The following DHRS3 variants were observed in gnomAD, a reference collection of about 807,000 sequenced individuals.
The protein encoded by DHRS3 is short-chain dehydrogenase/reductase 3.
DHRS3 carries 14 observed loss-of-function variants against 27.2 expected under a neutral mutation model. That is an observed-to-expected ratio of 0.52 (90% CI 0.34 to 0.81). DHRS3 has a LOEUF of 0.81. DHRS3 is among the 30% of genes least tolerant of loss of function. DHRS3 has a pLI of 0.01. For missense variants in DHRS3, 322 were observed against 406.2 expected, an observed-to-expected ratio of 0.79 and a Z score of 1.78; for synonymous variants, 165 against 175.9, an observed-to-expected ratio of 0.94 and a Z score of 0.49.
chr1:12,569,172 G>A (rs1001007825), intron 5 of DHRS3, among the ~76,000 whole-genome samples: 16 of 148,802 alleles, frequency 1.1e-4, no homozygotes, highest in African/African-American at 3.5e-4. Context: ...GGCCGAGATC[G>A]CGCCGTTGCA....
chr1:12,610,871 G>A (rs761034812), intron 1 of DHRS3, among the ~76,000 whole-genome samples: 4 of 152,300 alleles, frequency 2.6e-5, no homozygotes, highest in South Asian at 2.1e-4. Context: ...TTCTGGGTGT[G>A]TTCATGCTTT....
chr1:12,568,270 G>T lies in DHRS3; in HGVS notation c.*70C>A. The T allele has an allele frequency of 7.2e-7, 1 of 1,394,220 alleles. No individual in the cohort carries two copies. Among genetic ancestry groups the T allele is most frequent in the Non-Finnish European group, 1.0e-6 (1 of 982,754 alleles). The allele number at this position is 1,394,220 out of a possible 1,614,324, so 86.4% of individuals were successfully genotyped here. On this transcript the variant is annotated 3_prime_UTR_variant, in exon 6 of 6. Coordinates refer to ENST00000616661, the MANE Select transcript of DHRS3 (RefSeq NM_004753.7). ...AGCAGAAGCATGCCAATGGACAGGTGCTCGGGTGTGTGCCCAGGTGCTGTG... is the reference window on the plus strand; with the variant it reads ...AGCAGAAGCATGCCAATGGACAGGTTCTCGGGTGTGTGCCCAGGTGCTGTG...
chr1:12,569,297 G>A (rs1646514810), intron 5 of DHRS3, among the ~76,000 whole-genome samples: 1 of 96,106 alleles, frequency 1.0e-5, no homozygotes, highest in Non-Finnish European at 2.1e-5. Flanking sequence ...AAGGCAGAGA[G>A]TGAGTGAGTG....
At chr1:12,606,183 AT>A (rs1646870116) in intron 1 of DHRS3, among the ~76,000 whole-genome samples, 1 of 151,644 alleles carries the variant, frequency 6.6e-6, no homozygotes, top group Non-Finnish European at 1.5e-5. Context: ...TAATAAATGG[AT>A]AACTTGTTAA....
rs555081500 is a variant in DHRS3 at position 12,578,043 on chromosome 1, C to G, written c.698+675G>C. Among the ~76,000 whole-genome samples the G allele has an allele frequency of 1.3e-5, 2 of 152,314 alleles. No individual in the cohort carries two copies. Among genetic ancestry groups the G allele is most frequent in the South Asian group, 4.1e-4 (2 of 4,824 alleles). ...AGCCACGGGTCTGATTTCCATCACC[C>G]TAACCCAGTTTTGCCTGTTTTGGAA... On this transcript the variant is annotated intron_variant, in intron 4 of 5. Coordinates refer to ENST00000616661, the MANE Select transcript of DHRS3 (RefSeq NM_004753.7). This position sits in a 1 kb window ranked among gnomAD's most constrained non-coding sequence, Gnocchi z 4.5.
intron 1 of DHRS3, among the ~76,000 whole-genome samples, chr1:12,589,548 C>T (rs994554121): frequency 1.3e-5 from 2 of 151,906 alleles, no homozygotes; most frequent in African/African-American, 4.8e-5. Flanking sequence ...ACCACCACAC[C>T]CAGCTAATTT....
chr1:12,605,846 G>A (rs1646866961), intron 1 of DHRS3, among the ~76,000 whole-genome samples: 1 of 152,090 alleles, frequency 6.6e-6, no homozygotes, highest in African/African-American at 2.4e-5. Context: ...ATGCCCTAAA[G>A]AAATCAGCAG....
intron 1 of DHRS3, among the ~76,000 whole-genome samples, chr1:12,604,760 C>A (rs1646858547): frequency 6.6e-6 from 1 of 152,212 alleles, no homozygotes; most frequent in Non-Finnish European, 1.5e-5. Flanking sequence ...CTCAGAAATG[C>A]GTGCTGCTGG....
intron 5 of DHRS3, among the ~76,000 whole-genome samples, chr1:12,572,364 G>T (rs891979114): frequency 6.6e-6 from 1 of 152,130 alleles, no homozygotes. Flanking sequence ...TAGAGACAAG[G>T]TTTCGCCATT....
chr1:12,596,529 G>A (rs1215110998), intron 1 of DHRS3, among the ~76,000 whole-genome samples: 1 of 152,174 alleles, frequency 6.6e-6, no homozygotes. Flanking sequence ...CCGAAGCAGG[G>A]GGCCTGTTTA....
intron 1 of DHRS3, among the ~76,000 whole-genome samples, chr1:12,602,820 T>C (rs1646844571): frequency 6.6e-6 from 1 of 152,254 alleles, no homozygotes; most frequent in East Asian, 1.9e-4. Flanking sequence ...AGGCACTGGT[T>C]TCCAGCAGCC....
At chr1:12,583,142 C>T (rs1355915938) in intron 1 of DHRS3, among the ~76,000 whole-genome samples, 1 of 149,398 alleles carries the variant, frequency 6.7e-6, no homozygotes, top group African/African-American at 2.5e-5. Flanking sequence ...CTACCCTACT[C>T]CATCCATCCA....
At chr1:12,610,777 T>A (rs1189360142) in intron 1 of DHRS3, among the ~76,000 whole-genome samples, 1 of 152,234 alleles carries the variant, frequency 6.6e-6, no homozygotes, top group East Asian at 1.9e-4. Context: ...CTGAATAATA[T>A]GTTTGAAATG....
chr1:12,572,670 C>T, intron 5 of DHRS3, 58 bp downstream of exon 5: 1 of 1,550,194 alleles, frequency 6.5e-7, no homozygotes, highest in African/African-American at 1.4e-5. Context: ...GCAGACATGA[C>T]TAATAGATCA....
intron 1 of DHRS3, among the ~76,000 whole-genome samples, chr1:12,589,804 C>T (rs1255687254): frequency 6.6e-6 from 1 of 152,064 alleles, no homozygotes; most frequent in Non-Finnish European, 1.5e-5. Flanking sequence ...GGCAACATAG[C>T]AAGACTCTGT....
chr1:12,585,189 CTGTG>C (rs1227793617), intron 1 of DHRS3, among the ~76,000 whole-genome samples: 2 of 144,478 alleles, frequency 1.4e-5, no homozygotes, highest in Admixed American at 7.0e-5. Context: ...GTGTATGTTT[CTGTG>C]TGTGTGTGTG....
At chr1:12,602,836 C>T (rs192282313) in intron 1 of DHRS3, among the ~76,000 whole-genome samples, 52 of 152,392 alleles carry the variant, frequency 3.4e-4, no homozygotes, top group East Asian at 2.9e-3. Flanking sequence ...CAGCCCTGGC[C>T]GGCACCACAA....
At chr1:12,584,878 AGTGT>A (rs35962425) in intron 1 of DHRS3, among the ~76,000 whole-genome samples, 3 of 151,168 alleles carry the variant, frequency 2.0e-5, no homozygotes, top group African/African-American at 4.9e-5. Flanking sequence ...TGTCTCTGTA[AGTGT>A]GTGTGTGTGT....
Position 12,592,613 on chromosome 1 carries a change from A to G in DHRS3, c.196-11947T>C, listed in dbSNP as rs1646755695. 6.6e-6 allele frequency among the ~76,000 whole-genome samples: 1 copy of G among 152,052 alleles called. No individual in the cohort carries two copies. The highest frequency in any genetic ancestry group is 6.5e-5 in the Admixed American group (1 of 15,268). On this transcript the variant is annotated intron_variant, in intron 1 of 5. Coordinates refer to ENST00000616661, the MANE Select transcript of DHRS3 (RefSeq NM_004753.7). The surrounding 1 kb of genome is among the most constrained non-coding windows in gnomAD (Gnocchi z 4.2). ...GGCCCTGCTGACACCTGGAGTTTGG[A>G]CTTCTGGTACCCAGAAATGTGAGAG...
Sources: allele counts gnomAD v4.1 joint callset (sites outside exome capture counted in the v4.1 genomes callset), GRCh38; gene constraint gnomAD v4.1.1; non-coding constraint Gnocchi (gnomAD v3.1); transcripts MANE v1.5; gene names NCBI Gene and HGNC (gene_info 2026-07-23, HGNC 2026-07-21).